PIKFYVE: variants seen among roughly 807,000 people sequenced by gnomAD.
PIKFYVE encodes the protein phosphoinositide kinase, FYVE-type zinc finger containing.
PIKFYVE carries 122 observed loss-of-function variants against 257.9 expected under a neutral mutation model. The observed-to-expected ratio is 0.47, with a 90% CI of 0.41 to 0.55. The LOEUF is 0.55. Ranked by LOEUF, PIKFYVE falls within the 20% of genes least tolerant of loss-of-function variation. The probability of loss-of-function intolerance (pLI) is 0.00; values close to 1 mark genes in which losing one functional copy is unlikely to be tolerated. For missense variants in PIKFYVE, 2,160 were observed against 2,536.6 expected, an observed-to-expected ratio of 0.85 and a Z score of 3.19; for synonymous variants, 892 against 868.9, an observed-to-expected ratio of 1.03 and a Z score of -0.47.
chr2:208,316,780 T>C (rs1453346016), intron 15 of PIKFYVE, among the ~76,000 whole-genome samples: 14 of 152,196 alleles, frequency 9.2e-5, no homozygotes, highest in Non-Finnish European at 1.9e-4. Flanking sequence ...GGTACCAAAA[T>C]AGAGATATAG....
At chr2:208,285,674 T>G (rs1691476429) in intron 5 of PIKFYVE, 52 bp from the exon 6 acceptor site, 1 of 1,494,702 alleles carries the variant, frequency 6.7e-7, no homozygotes, top group Non-Finnish European at 9.3e-7. Context: ...AATATGTTAC[T>G]GCTATCTTTT....
chr2:208,333,254 T>A, intron 23 of PIKFYVE, 61 bp from the exon 24 acceptor site: 1 of 1,557,532 alleles, frequency 6.4e-7, no homozygotes, highest in Non-Finnish European at 8.8e-7. Context: ...AAGAAAATGT[T>A]ATTTTTTGAA....
At chr2:208,355,062 G>A in intron 41 of PIKFYVE, 128 bp from the exon 42 acceptor site, 1 of 758,148 alleles carries the variant, frequency 1.3e-6, no homozygotes. Flanking sequence ...AACCTTTCCT[G>A]CCCACTCAGA....
At chr2:208,269,276 G>C (rs558664061) in intron 1 of PIKFYVE, 1 of 152,710 alleles carries the variant, frequency 6.5e-6, no homozygotes, top group African/African-American at 2.4e-5. Flanking sequence ...TAGCCTCCTG[G>C]TGGCTGGAAC....
chr2:208,276,588 T>A, intron 3 of PIKFYVE, 124 bp from the exon 4 acceptor site: 1 of 780,906 alleles, frequency 1.3e-6, no homozygotes, highest in Non-Finnish European at 2.3e-6. Context: ...TCAATTCATA[T>A]AACCGGGTGG....
chr2:208,349,974 C>T, intron 35 of PIKFYVE, 50 bp from the exon 36 acceptor site: 1 of 1,603,314 alleles, frequency 6.2e-7, no homozygotes, highest in Non-Finnish European at 8.5e-7. Flanking sequence ...ACAAAATGAA[C>T]TGATAATTAC....
intron 24 of PIKFYVE, among the ~76,000 whole-genome samples, chr2:208,333,941 C>A (rs1268298379): frequency 1.3e-5 from 2 of 152,162 alleles, no homozygotes; most frequent in Non-Finnish European, 2.9e-5. Context: ...TCATGTCGGG[C>A]CCTGGCCTAA....
intron 12 of PIKFYVE, among the ~76,000 whole-genome samples, chr2:208,311,303 C>T (rs963073367): frequency 1.3e-5 from 2 of 152,050 alleles, no homozygotes; most frequent in African/African-American, 2.4e-5. Flanking sequence ...CCCACATACT[C>T]GATTTTATTG....
In PIKFYVE at chr2:208,335,321, G is replaced by A; in HGVS notation, c.4158G>A (p.Arg1386=). The A allele has an allele frequency of 6.2e-7, 1 of 1,606,446 alleles. No individual in the cohort carries two copies. Among genetic ancestry groups the A allele is most frequent in the African/African-American group, 1.3e-5 (1 of 74,794 alleles). Residue 1386 remains arginine (R), a synonymous_variant, in exon 25 of 42, where the codon CGG becomes CGA. Coordinates refer to ENST00000264380, the MANE Select transcript of PIKFYVE (RefSeq NM_015040.4). The stretch of plus-strand genomic sequence containing the variant: ...TTCTTCTCAGTTATTCTCCCATTCG[G>A]CTTCTTGAAGTATGTGTTCCACTCC... ...MVASFSYSPI[R]LLEVCVPLPK... is the part of the protein sequence containing the mutation.
intron 22 of PIKFYVE, 75 bp from the exon 23 acceptor site, chr2:208,330,448 T>C (rs1477829753): frequency 1.3e-6 from 2 of 1,561,208 alleles, no homozygotes; most frequent in African/African-American, 2.7e-5. Flanking sequence ...TGTTCACTAG[T>C]CATGCTGCAC....
At chr2:208,326,461 C>G (rs370715893) in intron 20 of PIKFYVE, 32 bp downstream of exon 20, 8 of 1,600,642 alleles carry the variant, frequency 5.0e-6, no homozygotes, top group Non-Finnish European at 6.8e-6. Context: ...TGCTCCTGTG[C>G]ATTTAGGATG....
At chr2:208,286,826 T>A (rs1290662466) in intron 6 of PIKFYVE, among the ~76,000 whole-genome samples, 1 of 152,136 alleles carries the variant, frequency 6.6e-6, no homozygotes, top group Non-Finnish European at 1.5e-5. Context: ...ACCTGGCCTC[T>A]GATTATTTTC....
intron 23 of PIKFYVE, among the ~76,000 whole-genome samples, chr2:208,331,242 G>A (rs1195352824): frequency 1.3e-5 from 2 of 152,028 alleles, no homozygotes; most frequent in Non-Finnish European, 1.5e-5. Context: ...TTTCTTCTTT[G>A]TGCCTTTCTT....
chr2:208,288,815 A>G lies in PIKFYVE; in HGVS notation c.908A>G (p.Asn303Ser), dbSNP rs1559062835. 6.2e-7 allele frequency: 1 copy of G among 1,614,054 alleles called. No homozygotes were observed. The highest frequency in any genetic ancestry group is 8.5e-7 in the Non-Finnish European group (1 of 1,179,940). The change falls in exon 7 of 42, where the codon AAT becomes AGT. Residue 303 changes from asparagine to serine, a missense_variant. Around this residue, in one of 12 missense-constraint regions of PIKFYVE, gnomAD observed 187 missense variants for 185.6 expected, o/e 1.01. Coordinates refer to ENST00000264380, the MANE Select transcript of PIKFYVE (RefSeq NM_015040.4). ...GATGCTGGGAAATCTCCTGCTCGAA[A>G]TAGGTAAACTGACAAATGAAAACAC... ...QEDAGKSPAR[N>S]RSASITNLSL... is the part of the protein sequence containing the mutation.
intron 18 of PIKFYVE, 118 bp from the exon 19 acceptor site, chr2:208,324,793 A>C (rs1696722678): frequency 7.8e-7 from 1 of 1,281,134 alleles, no homozygotes; most frequent in African/African-American, 1.5e-5. Context: ...TCATATATTT[A>C]TTAAAAAGGA....
chr2:208,338,890 A>G (rs1192783955), intron 29 of PIKFYVE, among the ~76,000 whole-genome samples: 1 of 152,198 alleles, frequency 6.6e-6, no homozygotes, highest in Admixed American at 6.5e-5. Flanking sequence ...ATAAAGTTTA[A>G]TTTACATTTT....
At chr2:208,283,103 C>T (rs1218680915) in intron 5 of PIKFYVE, among the ~76,000 whole-genome samples, 1 of 152,132 alleles carries the variant, frequency 6.6e-6, no homozygotes, top group African/African-American at 2.4e-5. Flanking sequence ...GGGAGTAGTA[C>T]ATGTCCCTGG....
Position 208,330,424 on chromosome 2 carries a change from T to C in PIKFYVE, c.3792-99T>C, listed in dbSNP as rs1697404988. On this transcript the variant is annotated intron_variant, in intron 22 of 41. Coordinates refer to ENST00000264380, the MANE Select transcript of PIKFYVE (RefSeq NM_015040.4). ...AGCTGCAGGCTCAGAGCAGCATGAG[T>C]ACCTTGTGCAGATTGTTCACTAGTC... is the stretch of plus-strand genomic sequence containing the variant. The C allele has an allele frequency of 7.2e-6, 10 of 1,396,390 alleles. 2 individuals carry two copies. The South Asian group carries it at 1.2e-4, about 16-fold the overall frequency. 86.5% of individuals were successfully genotyped at this position (1,396,390 alleles called of 1,614,324 possible).
intron 28 of PIKFYVE, 63 bp downstream of exon 28, chr2:208,336,991 A>T: frequency 2.4e-6 from 3 of 1,269,218 alleles, no homozygotes; most frequent in Non-Finnish European, 3.4e-6. Context: ...TTCATTTATA[A>T]TACTTAGCAG....
Sources: allele counts gnomAD v4.1 joint callset (sites outside exome capture counted in the v4.1 genomes callset), GRCh38; gene constraint gnomAD v4.1.1; regional missense constraint gnomAD v4.1.1; transcripts MANE v1.5; gene names NCBI Gene and HGNC (gene_info 2026-07-23, HGNC 2026-07-21).